The following ABCA4 variants were observed in gnomAD, a reference collection of about 807,000 sequenced individuals.
ABCA4 encodes retinal-specific phospholipid-transporting ATPase ABCA4.
Under a neutral mutation model 263.7 loss-of-function variants are expected in ABCA4, and 196 were observed. That is an observed-to-expected ratio of 0.74 (90% CI 0.66 to 0.84). The LOEUF is 0.84. Among genes scored for constraint, ABCA4 ranks in the 40% least tolerant of loss-of-function variants. ABCA4 has a pLI of 0.00. For missense variants in ABCA4, 2,792 were observed against 2,855.1 expected (o/e 0.98, Z 0.50); for synonymous variants, 1,133 against 1,094.2 (o/e 1.04, Z -0.70).
intron 11 of ABCA4, among the ~76,000 whole-genome samples, chr1:94,071,802 G>A (rs185855556): frequency 6.6e-6 from 1 of 152,150 alleles, no homozygotes; most frequent in Admixed American, 6.5e-5. Context: ...GAGACTAGAG[G>A]TATGAAATGA....
chr1:94,111,303 C>T, intron 3 of ABCA4, 135 bp downstream of exon 3: 1 of 1,252,386 alleles, frequency 8.0e-7, no homozygotes, highest in Non-Finnish European at 1.1e-6. Flanking sequence ...ACCTGCTCTG[C>T]TCCTAAGAGG....
intron 11 of ABCA4, among the ~76,000 whole-genome samples, chr1:94,069,192 A>T (rs1661346225): frequency 6.6e-6 from 1 of 152,236 alleles, no homozygotes; most frequent in Non-Finnish European, 1.5e-5. Flanking sequence ...CCTTGGGAGG[A>T]CAAGCTGCAG....
intron 36 of ABCA4, among the ~76,000 whole-genome samples, chr1:94,016,695 T>A (rs1184722707): frequency 6.6e-6 from 1 of 152,188 alleles, no homozygotes; most frequent in African/African-American, 2.4e-5. Context: ...GTGTTCACTG[T>A]ATAGGTAGAT....
chr1:94,088,933 T>C (rs974072908), intron 6 of ABCA4, among the ~76,000 whole-genome samples: 3 of 152,206 alleles, frequency 2.0e-5, no homozygotes, highest in Non-Finnish European at 4.4e-5. Context: ...CCCATCAGTT[T>C]TGATTATTTT....
chr1:94,099,903 C>T (rs112132866), intron 5 of ABCA4, among the ~76,000 whole-genome samples: 172 of 152,236 alleles, frequency 1.1e-3, no homozygotes, highest in African/African-American at 3.8e-3. Context: ...GATGGCCTCT[C>T]GAGGATCAGG....
chr1:94,103,584 C>T (rs963493503), intron 4 of ABCA4, among the ~76,000 whole-genome samples: 3 of 152,132 alleles, frequency 2.0e-5, no homozygotes, highest in African/African-American at 7.2e-5. Flanking sequence ...CAAGACACTC[C>T]TCCCTCCCCC....
rs1303289867 is a variant in ABCA4, at chr1:94,001,008, G to A, written c.6380C>T (p.Ser2127Phe). 4 of 1,614,142 alleles carry A rather than the reference G, an allele frequency of 2.5e-6. No homozygotes were observed. Among genetic ancestry groups the A allele is most frequent in the Non-Finnish European group, 3.4e-6 (4 of 1,179,990 alleles). The change falls in exon 46 of 50, where the codon TCC becomes TTC. Residue 2127 changes from serine (S) to phenylalanine (F), a missense_variant. Ser to Phe is a radical substitution (Grantham distance 155). Transcript: ENST00000370225. The stretch of plus-strand genomic sequence containing the variant: ...AGCCCTGGGAATCTCTTGCCTGTGG[G>A]ATGTGAGGACCACAGCCCTCCCTTC... ...IREGRAVVLT[S>F]HSMEECEALC...
intron 1 of ABCA4, 28 bp downstream of exon 1, chr1:94,120,952 T>A: frequency 8.2e-7 from 1 of 1,218,748 alleles, no homozygotes. Context: ...CCACACCTCA[T>A]TTTTAAACCA....
At chr1:93,999,040 CA>C (rs1659101527) in intron 47 of ABCA4, among the ~76,000 whole-genome samples, 1 of 148,534 alleles carries the variant, frequency 6.7e-6, no homozygotes, top group Admixed American at 6.7e-5. Flanking sequence ...CATGAGCCAC[CA>C]CGCCCAGCCT....
At chr1:94,004,384 T>A in intron 44 of ABCA4, among the ~76,000 whole-genome samples, 1 of 152,184 alleles carries the variant, frequency 6.6e-6, no homozygotes, top group East Asian at 1.9e-4. Flanking sequence ...ATTTATTAAT[T>A]TATTTAATCC....
At chr1:94,068,306 A>C (rs1339718670) in intron 11 of ABCA4, among the ~76,000 whole-genome samples, 1 of 152,140 alleles carries the variant, frequency 6.6e-6, no homozygotes, top group Non-Finnish European at 1.5e-5. Flanking sequence ...CATCCTCCCC[A>C]CATCTTCCCT....
chr1:94,008,907 G>A (rs776092165), intron 40 of ABCA4, 36 bp from the exon 41 acceptor site: 3 of 1,607,610 alleles, frequency 1.9e-6, no homozygotes, highest in Non-Finnish European at 2.5e-6. Flanking sequence ...TGGGCTGGCT[G>A]TACAGTGTCC....
At position 94,021,555 on chromosome 1, in the gene ABCA4, T is replaced by C. The variant is rs1571258068; in HGVS notation, c.4848+85A>G. 10 of 1,509,176 alleles carry C rather than the reference T, an allele frequency of 6.6e-6. 1 individual carries two copies. Among genetic ancestry groups the C allele is most frequent in the South Asian group, 5.7e-5 (5 of 87,318 alleles). 93.5% of individuals were successfully genotyped at this position (1,509,176 alleles called of 1,614,324 possible). On this transcript the variant is annotated intron_variant, in intron 34 of 49. Transcript: ENST00000370225. ...GATTTCAGCAGGAGGAGGGATGGAA[T>C]TTAATGAAGGTAGGAAAGTAAAAAT... is the stretch of plus-strand genomic sequence containing the variant.
intron 47 of ABCA4, among the ~76,000 whole-genome samples, chr1:94,000,158 A>G (rs187655695): frequency 3.9e-5 from 6 of 152,302 alleles, no homozygotes; most frequent in African/African-American, 1.4e-4. Flanking sequence ...TGAGCTCTTA[A>G]TAAGTGTTTG....
intron 4 of ABCA4, among the ~76,000 whole-genome samples, chr1:94,104,975 A>G (rs188349320): frequency 1.3e-5 from 2 of 151,974 alleles, no homozygotes; most frequent in East Asian, 1.9e-4. Context: ...GCATGCACAC[A>G]CATGCACACA....
chr1:94,008,715 T>C (rs1659464135), intron 41 of ABCA4, 36 bp downstream of exon 41: 1 of 1,613,620 alleles, frequency 6.2e-7, no homozygotes, highest in African/African-American at 1.3e-5. Flanking sequence ...ACTGTGGATC[T>C]AACCAGCACC....
Position 94,063,159 on chromosome 1 carries a change from G to A in ABCA4, c.1713C>T (p.Ile571=). The change falls in exon 12 of 50, where the codon ATC becomes ATT. Residue 571 remains isoleucine (I), a synonymous_variant. Coordinates refer to ENST00000370225, the MANE Select transcript of ABCA4 (RefSeq NM_000350.3). ...TCTCCACCACGTCTATGTCCATTCG[G>A]ATCTTATACTTCACGTGGGGTGGTA... ...SSLPPHVKYK[I]RMDIDVVEKT... is the part of the protein sequence containing the mutation. 2 of 1,614,068 alleles carry A rather than the reference G, an allele frequency of 1.2e-6. No individual in the cohort carries two copies. Among genetic ancestry groups the A allele is most frequent in the East Asian group, 2.2e-5 (1 of 44,886 alleles).
chr1:94,022,862 C>T (rs1000606760), intron 32 of ABCA4, among the ~76,000 whole-genome samples: 1 of 152,176 alleles, frequency 6.6e-6, no homozygotes, highest in Non-Finnish European at 1.5e-5. Flanking sequence ...AAAGCACATA[C>T]ATGTCAGCCC....
In ABCA4 at chr1:94,048,925, T is replaced by C; in HGVS notation, c.2686A>G (p.Lys896Glu). Residue 896 changes from lysine to glutamate, a missense_variant, in exon 18 of 50, where the codon AAG becomes GAG. Physicochemically the swap from Lys to Glu is moderately conservative, Grantham distance 56. Coordinates refer to ENST00000370225, the MANE Select transcript of ABCA4 (RefSeq NM_000350.3). The part of the protein sequence containing the change: ...CSTREERALE[K>E]TEPLTEETED... ...GTTTCCTCTGTTAGGGGCTCGGTCT[T>C]TTCCAGGGCTCTTTCTTCTCTGGTT... 6.2e-7 allele frequency: 1 copy of C among 1,614,176 alleles called. No individual in the cohort carries two copies. The highest frequency in any genetic ancestry group is 1.1e-5 in the South Asian group (1 of 91,078).
Sources: allele counts gnomAD v4.1 joint callset (sites outside exome capture counted in the v4.1 genomes callset), GRCh38; gene constraint gnomAD v4.1.1; transcripts MANE v1.5; gene names NCBI Gene and HGNC (gene_info 2026-07-23, HGNC 2026-07-21).